SDK1: variants seen among roughly 807,000 people sequenced by gnomAD.
SDK1 encodes the protein protein sidekick-1.
A neutral mutation model predicts 245.5 loss-of-function variants in SDK1; 157 were observed. That is an observed-to-expected ratio of 0.64 (90% CI 0.56 to 0.73). The LOEUF is 0.73. SDK1 is among the 30% of genes least tolerant of loss of function. The pLI is 0.00. For synonymous variants in SDK1, 1,647 were observed against 1,278.5 expected (o/e 1.29, Z -6.15); for missense variants, 3,583 against 3,002.3 (o/e 1.19, Z -4.52).
intron 4 of SDK1, among the ~76,000 whole-genome samples, chr7:3,648,506 C>T (rs1782917196): frequency 2.0e-5 from 3 of 152,206 alleles, no homozygotes; most frequent in Admixed American, 2.0e-4. Flanking sequence ...CAGTAAACAG[C>T]ATCCCAGGTG....
chr7:3,503,623 G>C (rs1291279687), intron 1 of SDK1, among the ~76,000 whole-genome samples: 1 of 152,110 alleles, frequency 6.6e-6, no homozygotes, highest in African/African-American at 2.4e-5. Flanking sequence ...GCTGCAGTAC[G>C]CTATGACCAT....
chr7:3,736,386 G>A (rs904764583), intron 4 of SDK1, among the ~76,000 whole-genome samples: 4 of 152,128 alleles, frequency 2.6e-5, no homozygotes, highest in Admixed American at 6.5e-5. Flanking sequence ...TCTGCCTCCC[G>A]GGTTCACGCC....
intron 1 of SDK1, among the ~76,000 whole-genome samples, chr7:3,447,171 A>T (rs1010370470): frequency 6.6e-6 from 1 of 152,190 alleles, no homozygotes; most frequent in African/African-American, 2.4e-5. Flanking sequence ...ATGTCTTAGT[A>T]TATTAGATAT....
At chr7:3,888,035 A>G (rs1010708960) in intron 5 of SDK1, among the ~76,000 whole-genome samples, 1 of 152,148 alleles carries the variant, frequency 6.6e-6, no homozygotes, top group African/African-American at 2.4e-5. Context: ...AGTGGTCTAT[A>G]TTTCTTTTAA....
At chr7:4,180,975 C>T (rs1005488053) in intron 35 of SDK1, among the ~76,000 whole-genome samples, 2 of 152,196 alleles carry the variant, frequency 1.3e-5, no homozygotes, top group Non-Finnish European at 1.5e-5. Flanking sequence ...ATGCGTATAA[C>T]ATGGAAAGCA....
At chr7:4,202,712 C>T (rs1280590466) in intron 35 of SDK1, among the ~76,000 whole-genome samples, 1 of 152,228 alleles carries the variant, frequency 6.6e-6, no homozygotes, top group Non-Finnish European at 1.5e-5. Context: ...TTCCCTCACT[C>T]TCTGAAGCCT....
intron 38 of SDK1, 128 bp from the exon 39 acceptor site, chr7:4,219,981 T>C: frequency 2.6e-6 from 3 of 1,140,884 alleles, no homozygotes; most frequent in Non-Finnish European, 3.7e-6. Context: ...TATAAACTCC[T>C]AATAGTAAGA....
chr7:3,821,156 A>G (rs973140227), intron 4 of SDK1, among the ~76,000 whole-genome samples: 2 of 152,164 alleles, frequency 1.3e-5, no homozygotes, highest in African/African-American at 4.8e-5. Flanking sequence ...CTGAGTTTTA[A>G]TGAACTCTGG....
At chr7:3,481,548 G>T (rs1232837651) in intron 1 of SDK1, among the ~76,000 whole-genome samples, 1 of 152,190 alleles carries the variant, frequency 6.6e-6, no homozygotes, top group African/African-American at 2.4e-5. Context: ...TGAGAAACGA[G>T]GGCAAAGAAT....
At chr7:3,564,592 A>G (rs1779849950) in intron 1 of SDK1, among the ~76,000 whole-genome samples, 1 of 152,198 alleles carries the variant, frequency 6.6e-6, no homozygotes, top group African/African-American at 2.4e-5. Context: ...TGTATACTTA[A>G]TAAATTTGGG....
chr7:3,996,652 T>C (rs976240310), intron 14 of SDK1, among the ~76,000 whole-genome samples: 1 of 152,232 alleles, frequency 6.6e-6, no homozygotes, highest in African/African-American at 2.4e-5. Flanking sequence ...TTAGTTATTG[T>C]AGGAACATAG....
At chr7:3,993,778 T>C (rs1784515249) in intron 14 of SDK1, among the ~76,000 whole-genome samples, 1 of 152,132 alleles carries the variant, frequency 6.6e-6, no homozygotes, top group African/African-American at 2.4e-5. Context: ...TTCTTCTGCC[T>C]CAAAGGACTG....
In SDK1 at chr7:4,267,340, T is replaced by C; in HGVS notation, c.*1956T>C. Reference sequence around the variant, plus strand: ...CCTCCCTTCCTCTCTCCCCTATTCCTTCTTCCTTTTCTCCTCCTTTTTCTG... The same window carrying C: ...CCTCCCTTCCTCTCTCCCCTATTCCCTCTTCCTTTTCTCCTCCTTTTTCTG... On this transcript the variant is annotated 3_prime_UTR_variant, in exon 45 of 45. Transcript: ENST00000404826. The C allele has an allele frequency of 2.3e-6, 2 of 872,750 alleles. No individual in the cohort carries two copies. The allele number at this position is 872,750 out of a possible 1,614,324, so 54.1% of individuals were successfully genotyped here. A position where few individuals can be genotyped will look rare whatever the true frequency, so the allele number is the denominator to read the frequency against.
chr7:3,891,055 G>A (rs1481048895), intron 5 of SDK1, among the ~76,000 whole-genome samples: 1 of 152,166 alleles, frequency 6.6e-6, no homozygotes, highest in Non-Finnish European at 1.5e-5. Flanking sequence ...GGCTCTGGTG[G>A]AGCCATCACT....
intron 1 of SDK1, among the ~76,000 whole-genome samples, chr7:3,507,125 C>T (rs1179710089): frequency 1.3e-5 from 2 of 152,176 alleles, no homozygotes; most frequent in African/African-American, 4.8e-5. Context: ...AGGGTGTCTG[C>T]TGAATGCCCT....
chr7:3,590,960 T>C (rs1260017186), intron 1 of SDK1, among the ~76,000 whole-genome samples: 1 of 152,060 alleles, frequency 6.6e-6, no homozygotes, highest in Non-Finnish European at 1.5e-5. Context: ...TTTTTGTATT[T>C]TTTGCAGACA....
At chr7:3,572,990 G>C (rs577007753) in intron 1 of SDK1, among the ~76,000 whole-genome samples, 1 of 152,018 alleles carries the variant, frequency 6.6e-6, no homozygotes, top group Non-Finnish European at 1.5e-5. Flanking sequence ...GAGCATCTGG[G>C]GTGACCACCC....
intron 5 of SDK1, among the ~76,000 whole-genome samples, chr7:3,852,737 C>T (rs1583477946): frequency 3.1e-5 from 3 of 96,546 alleles, no homozygotes; most frequent in Non-Finnish European, 5.5e-5. Context: ...GGAGACAGAG[C>T]AAGACTCCGT....
intron 32 of SDK1, among the ~76,000 whole-genome samples, chr7:4,163,549 C>T (rs1781305005): frequency 6.6e-6 from 1 of 152,164 alleles, no homozygotes; most frequent in African/African-American, 2.4e-5. Context: ...GAGCATCTCC[C>T]AGGGCCCTGC....
Sources: allele counts gnomAD v4.1 joint callset (sites outside exome capture counted in the v4.1 genomes callset), GRCh38; gene constraint gnomAD v4.1.1; transcripts MANE v1.5; gene names NCBI Gene and HGNC (gene_info 2026-07-23, HGNC 2026-07-21).